FAT3: variants seen among roughly 807,000 people sequenced by gnomAD.
FAT3 encodes protocadherin Fat 3.
Under a neutral mutation model 310.2 loss-of-function variants are expected in FAT3, and 95 were observed. The ratio of observed to expected loss-of-function variants is 0.31; its 90% CI spans 0.26 to 0.36. The LOEUF is 0.36. Ranked by LOEUF, FAT3 falls within the 10% of genes least tolerant of loss-of-function variation. The pLI, the probability that FAT3 is intolerant of heterozygous loss-of-function variation, is 1.00. For synonymous variants in FAT3, 2,314 were observed against 2,192.9 expected, an observed-to-expected ratio of 1.06 and a Z score of -1.54; for missense variants, 5,408 against 5,715.6, an observed-to-expected ratio of 0.95 and a Z score of 1.74.
At chr11:92,857,109 G>C in intron 19 of FAT3, 105 bp from the exon 20 acceptor site, 12 of 1,548,818 alleles carry the variant, frequency 7.7e-6, no homozygotes, top group Non-Finnish European at 1.1e-5. Flanking sequence ...ACATATCCCA[G>C]CTCTTGAGCC....
chr11:92,832,814 A>G (rs1037539843), intron 14 of FAT3, among the ~76,000 whole-genome samples: 2 of 152,130 alleles, frequency 1.3e-5, no homozygotes, highest in Non-Finnish European at 2.9e-5. Flanking sequence ...TCACATGCAC[A>G]GGCAGACACT....
rs145387960 is a variant in FAT3 at position 92,658,702 on chromosome 11, C to T, written c.3608-38682C>T. On this transcript the variant is annotated intron_variant, in intron 3 of 27. Coordinates refer to ENST00000525166, the MANE Select transcript of FAT3 (RefSeq NM_001367949.2). The stretch of plus-strand genomic sequence containing the variant: ...AGTCTTTCAGATATTTGCTATGCCA[C>T]GTGTTTTCTCAAGTTCTTCTCTAAA... Among the ~76,000 whole-genome samples, 416 of 152,220 alleles carry T rather than the reference C, an allele frequency of 2.7e-3. 6 individuals are homozygous for T. The highest frequency in any genetic ancestry group is 9.7e-3 in the African/African-American group (403 of 41,520).
At position 92,426,294 on chromosome 11, in the gene FAT3, GGA is replaced by G. The variant is rs1591272702; in HGVS notation, c.3292+70891_3292+70892del. Among the ~76,000 whole-genome samples, 10 of 152,176 alleles carry G rather than the reference GGA, an allele frequency of 6.6e-5. No homozygotes were observed. The East Asian group carries it at 1.7e-3, about 26-fold the overall frequency. ...TCTGGATATTAGCCCTTTGTCAGATGGATAGATTGCAAAAATGTTCTCCAATT... is the reference window on the plus strand; with the variant it reads ...TCTGGATATTAGCCCTTTGTCAGATGTAGATTGCAAAAATGTTCTCCAATT... On this transcript the variant is annotated intron_variant, in intron 2 of 27. Coordinates refer to ENST00000525166, the MANE Select transcript of FAT3 (RefSeq NM_001367949.2).
chr11:92,704,637 A>G (rs1396400253), intron 4 of FAT3, among the ~76,000 whole-genome samples: 2 of 152,182 alleles, frequency 1.3e-5, no homozygotes, highest in Non-Finnish European at 2.9e-5. Flanking sequence ...TTGAAGAGAG[A>G]GGGAAAAGAC....
intron 2 of FAT3, among the ~76,000 whole-genome samples, chr11:92,513,356 C>T (rs2135319161): frequency 6.6e-6 from 1 of 152,224 alleles, no homozygotes; most frequent in South Asian, 2.1e-4. Flanking sequence ...CATTAAGAAT[C>T]TTATACAGGT....
chr11:92,606,725 T>A (rs1940316712), intron 3 of FAT3, among the ~76,000 whole-genome samples: 1 of 152,210 alleles, frequency 6.6e-6, no homozygotes, highest in East Asian at 1.9e-4. Flanking sequence ...AATGGCCAAC[T>A]GACTTGTTCA....
chr11:92,229,105 G>A (rs1044742390), intron 1 of FAT3, among the ~76,000 whole-genome samples: 1 of 152,192 alleles, frequency 6.6e-6, no homozygotes, highest in Non-Finnish European at 1.5e-5. Context: ...CCTTCCTAGA[G>A]TTAGCAGAGC....
intron 2 of FAT3, among the ~76,000 whole-genome samples, chr11:92,499,147 T>C (rs1206539753): frequency 6.6e-6 from 1 of 152,104 alleles, no homozygotes; most frequent in East Asian, 1.9e-4. Flanking sequence ...AGGCAGTTAC[T>C]ACACAACCTC....
rs757803864 is a variant in FAT3, at chr11:92,844,417, A to G, written c.11050A>G (p.Ser3684Gly). The G allele has an allele frequency of 6.2e-7, 1 of 1,613,998 alleles. No homozygotes were observed. The highest frequency in any genetic ancestry group is 8.5e-7 in the Non-Finnish European group (1 of 1,179,902). ...RNAVLTQKQD[S>G]LRIISIQPVA... ...TGCAGTCCTCACCCAGAAGCAGGAC[A>G]GCCTGCGCATCATCAGCATCCAGCC... Residue 3684 changes from serine to glycine, a missense_variant, in exon 19 of 28, where the codon AGC becomes GGC. Coordinates refer to ENST00000525166, the MANE Select transcript of FAT3 (RefSeq NM_001367949.2).
chr11:92,379,681 G>A (rs958847613), intron 2 of FAT3, among the ~76,000 whole-genome samples: 24 of 122,694 alleles, frequency 2.0e-4, no homozygotes, highest in Admixed American at 7.8e-4. Context: ...TCTCTTCACA[G>A]TCAGGAGCAG....
At chr11:92,602,795 C>T (rs751697813) in intron 3 of FAT3, among the ~76,000 whole-genome samples, 39 of 152,118 alleles carry the variant, frequency 2.6e-4, no homozygotes, top group Non-Finnish European at 5.1e-4. Context: ...ATGTGTATTA[C>T]GTATTAGGTT....
At chr11:92,874,192 A>G (rs1263721273) in intron 22 of FAT3, among the ~76,000 whole-genome samples, 4 of 152,220 alleles carry the variant, frequency 2.6e-5, no homozygotes, top group African/African-American at 4.8e-5. Flanking sequence ...TTTCACATTT[A>G]CAAAAGTGGT....
At chr11:92,287,463 C>T (rs1188299879) in intron 1 of FAT3, among the ~76,000 whole-genome samples, 3 of 152,124 alleles carry the variant, frequency 2.0e-5, no homozygotes. Context: ...TGCTCTGTTT[C>T]TACCTAATGT....
chr11:92,802,377 G>A (rs1175382721), intron 10 of FAT3, among the ~76,000 whole-genome samples: 1 of 152,138 alleles, frequency 6.6e-6, no homozygotes, highest in East Asian at 1.9e-4. Flanking sequence ...ACATTAGATG[G>A]AATGGTTTGA....
At chr11:92,574,577 T>G (rs1229611149) in intron 3 of FAT3, among the ~76,000 whole-genome samples, 1 of 152,164 alleles carries the variant, frequency 6.6e-6, no homozygotes, top group Non-Finnish European at 1.5e-5. Context: ...GGAAGCAGCT[T>G]TATTTCTCTT....
At chr11:92,450,971 T>C (rs1035517700) in intron 2 of FAT3, among the ~76,000 whole-genome samples, 1 of 152,178 alleles carries the variant, frequency 6.6e-6, no homozygotes, top group Admixed American at 6.5e-5. Flanking sequence ...GCTTGAAATT[T>C]AGTTTCAAGA....
Position 92,889,253 on chromosome 11 carries a change from T to C in FAT3, c.13111+5T>C, listed in dbSNP as rs1157169926. ...TTGACACTATAGAGAATGAAGGTAT[T>C]TACTTTTTTTCTTCCATAGCATTTC... On this transcript the variant is annotated splice_donor_5th_base_variant and intron_variant, in intron 26 of 27. Coordinates refer to ENST00000525166, the MANE Select transcript of FAT3 (RefSeq NM_001367949.2). The C allele has an allele frequency of 4.3e-6, 3 of 704,012 alleles. No homozygotes were observed. The Admixed American group carries it at 6.2e-5, about 15-fold the overall frequency. 43.6% of individuals were successfully genotyped at this position (704,012 alleles called of 1,614,324 possible).
chr11:92,455,008 T>C (rs1171328423), intron 2 of FAT3, among the ~76,000 whole-genome samples: 1 of 152,148 alleles, frequency 6.6e-6, no homozygotes, highest in Non-Finnish European at 1.5e-5. Flanking sequence ...AGAGCCCATA[T>C]GCTTATAGAA....
At chr11:92,402,559 G>A (rs1208674835) in intron 2 of FAT3, among the ~76,000 whole-genome samples, 1 of 151,648 alleles carries the variant, frequency 6.6e-6, no homozygotes, top group Non-Finnish European at 1.5e-5. Context: ...GTGAAACCCT[G>A]TCTCCACAAA....
Sources: allele counts gnomAD v4.1 joint callset (sites outside exome capture counted in the v4.1 genomes callset), GRCh38; gene constraint gnomAD v4.1.1; transcripts MANE v1.5; gene names NCBI Gene and HGNC (gene_info 2026-07-23, HGNC 2026-07-21).